ZNF385D: variants seen among roughly 807,000 people sequenced by gnomAD.
ZNF385D encodes zinc finger protein 659.
In ZNF385D, 15 loss-of-function variants were observed where a neutral mutation model predicts 35.8. The observed-to-expected ratio is 0.42, with a 90% CI of 0.28 to 0.64. The LOEUF (loss-of-function observed/expected upper bound fraction) is 0.64, where lower values mean the gene tolerates loss of function less well. ZNF385D is among the 30% of genes least tolerant of loss of function. The pLI, the probability that ZNF385D is intolerant of heterozygous loss-of-function variation, is 0.23. For missense variants in ZNF385D, 474 were observed against 494.6 expected, an observed-to-expected ratio of 0.96 and a Z score of 0.39; for synonymous variants, 212 against 186.8, an observed-to-expected ratio of 1.13 and a Z score of -1.10.
intron 3 of ZNF385D, among the ~76,000 whole-genome samples, chr3:21,951,396 T>C (rs1405142858): frequency 6.6e-6 from 1 of 151,776 alleles, no homozygotes; most frequent in Admixed American, 6.6e-5. Context: ...ACATTGATTT[T>C]GTATCCTGAG....
intron 1 of ZNF385D, among the ~76,000 whole-genome samples, chr3:21,673,709 A>T (rs538187788): frequency 6.6e-6 from 1 of 152,262 alleles, no homozygotes; most frequent in South Asian, 2.1e-4. Flanking sequence ...ATGATTAAGT[A>T]AACACTAATG....
intron 3 of ZNF385D, among the ~76,000 whole-genome samples, chr3:22,147,193 A>T (rs1457015668): frequency 6.6e-6 from 1 of 152,224 alleles, no homozygotes; most frequent in African/African-American, 2.4e-5. Flanking sequence ...GAACTTTTAA[A>T]ATAAATAGCT....
At chr3:21,740,312 G>C (rs576551134) in intron 1 of ZNF385D, among the ~76,000 whole-genome samples, 5 of 152,258 alleles carry the variant, frequency 3.3e-5, no homozygotes, top group African/African-American at 1.2e-4. Context: ...GGGTGGACCA[G>C]GAACATTTAA....
intron 1 of ZNF385D, among the ~76,000 whole-genome samples, chr3:21,744,980 T>C (rs1480885794): frequency 6.6e-6 from 1 of 152,148 alleles, no homozygotes; most frequent in Non-Finnish European, 1.5e-5. Context: ...AGGAAGTGGA[T>C]TCCCTTCCTC....
chr3:21,931,256 C>A (rs1310197396), intron 3 of ZNF385D, among the ~76,000 whole-genome samples: 1 of 151,990 alleles, frequency 6.6e-6, no homozygotes, highest in East Asian at 1.9e-4. Context: ...AATTTTTTTA[C>A]CCACTAGGAA....
chr3:21,843,185 T>C (rs561406955), intron 3 of ZNF385D, among the ~76,000 whole-genome samples: 1 of 152,136 alleles, frequency 6.6e-6, no homozygotes, highest in Admixed American at 6.6e-5. Context: ...TGGGGCTCTC[T>C]GAGCAGTTAG....
chr3:21,873,466 T>A (rs1697800414), intron 3 of ZNF385D, among the ~76,000 whole-genome samples: 1 of 152,150 alleles, frequency 6.6e-6, no homozygotes, highest in Admixed American at 6.6e-5. Flanking sequence ...ATTGCCATAT[T>A]TTCTCTTTCT....
intron 3 of ZNF385D, among the ~76,000 whole-genome samples, chr3:22,089,933 G>A (rs951561227): frequency 1.3e-5 from 2 of 152,070 alleles, no homozygotes; most frequent in African/African-American, 2.4e-5. Context: ...CTGCCTCCTG[G>A]GTTCAAGCGA....
At chr3:22,067,464 T>C (rs892071094) in intron 3 of ZNF385D, among the ~76,000 whole-genome samples, 2 of 152,198 alleles carry the variant, frequency 1.3e-5, no homozygotes, top group African/African-American at 4.8e-5. Context: ...ATTTGTATAA[T>C]ATAGTTTCTG....
intron 3 of ZNF385D, among the ~76,000 whole-genome samples, chr3:21,804,146 A>G (rs1026062836): frequency 3.9e-5 from 6 of 152,248 alleles, no homozygotes; most frequent in Non-Finnish European, 8.8e-5. Context: ...CATATGTTTT[A>G]TCCACAAGAA....
intron 3 of ZNF385D, among the ~76,000 whole-genome samples, chr3:22,076,312 A>G (rs1353352574): frequency 1.3e-5 from 2 of 151,804 alleles, no homozygotes; most frequent in East Asian, 1.9e-4. Flanking sequence ...CCTACCCACT[A>G]TTCCCCAACC....
At chr3:22,175,083 C>G (rs1694729000) in intron 2 of ZNF385D, among the ~76,000 whole-genome samples, 1 of 96,988 alleles carries the variant, frequency 1.0e-5, no homozygotes, top group Admixed American at 9.7e-5. Flanking sequence ...TCAGTCTAGT[C>G]CATTTCACAG....
At chr3:21,827,420 C>T (rs540348400) in intron 3 of ZNF385D, among the ~76,000 whole-genome samples, 1 of 152,206 alleles carries the variant, frequency 6.6e-6, no homozygotes, top group Admixed American at 6.5e-5. Context: ...TTCTTAGCAT[C>T]CTGACTCAAA....
chr3:21,436,992 C>A lies in ZNF385D; in HGVS notation c.651G>T (p.Ser217=), dbSNP rs765876207. The A allele has an allele frequency of 1.9e-6, 3 of 1,613,774 alleles. No homozygotes were observed. Among genetic ancestry groups the A allele is most frequent in the South Asian group, 1.1e-5 (1 of 91,074 alleles). Residue 217 remains serine (S), a synonymous_variant, in exon 5 of 8, where the codon TCG becomes TCT. Coordinates refer to ENST00000281523, the MANE Select transcript of ZNF385D (RefSeq NM_024697.3). The part of the protein sequence containing the change: ...SLCKVAVNSA[S]QLEAHNSGTK... ...CACCACTGTTGTGCGCCTCCAGCTG[C>A]GAGGCAGAGTTGACAGCAACCTTGC...
intron 2 of ZNF385D, among the ~76,000 whole-genome samples, chr3:22,355,016 T>G (rs181805475): frequency 1.8e-4 from 27 of 152,232 alleles, no homozygotes; most frequent in African/African-American, 6.3e-4. Context: ...TATACAAATT[T>G]AATTATAAAA....
intron 3 of ZNF385D, among the ~76,000 whole-genome samples, chr3:21,901,005 T>C (rs975134454): frequency 1.1e-4 from 17 of 152,328 alleles, no homozygotes; most frequent in Middle Eastern, 3.4e-3. Flanking sequence ...GCCTGTGCTC[T>C]TCCTACTGTA....
chr3:22,285,112 A>G (rs1371097327), intron 2 of ZNF385D, among the ~76,000 whole-genome samples: 1 of 152,180 alleles, frequency 6.6e-6, no homozygotes, highest in Non-Finnish European at 1.5e-5. Flanking sequence ...AGCATTGATT[A>G]GAGGTAGTAT....
intron 2 of ZNF385D, among the ~76,000 whole-genome samples, chr3:22,189,965 A>G (rs1381898355): frequency 6.6e-6 from 1 of 152,078 alleles, no homozygotes; most frequent in Non-Finnish European, 1.5e-5. Flanking sequence ...TCATATTACC[A>G]TCTGTTATTC....
At chr3:21,440,958 A>G (rs1005063126) in intron 4 of ZNF385D, among the ~76,000 whole-genome samples, 1 of 152,086 alleles carries the variant, frequency 6.6e-6, no homozygotes, top group African/African-American at 2.4e-5. Flanking sequence ...TGCCAAATCT[A>G]GTGTGTATTA....
Sources: gnomAD v4.1 joint callset for allele counts (sites outside exome capture counted in the v4.1 genomes callset) on GRCh38, gnomAD v4.1.1 for gene constraint, MANE v1.5 for transcripts, NCBI Gene and HGNC (gene_info 2026-07-23, HGNC 2026-07-21) for gene names.